The following DDX10 variants were observed in gnomAD, a reference collection of about 807,000 sequenced individuals.
The protein encoded by DDX10 is DEAD-box helicase 10, also known as probable ATP-dependent RNA helicase DDX10.
A neutral mutation model predicts 104.3 loss-of-function variants in DDX10; 74 were observed. The observed-to-expected ratio is 0.71, with a 90% CI of 0.59 to 0.86. DDX10 has a LOEUF of 0.86. Among genes scored for constraint, DDX10 ranks in the 40% least tolerant of loss-of-function variants. The pLI is 0.00. For synonymous variants in DDX10, 351 were observed against 353.4 expected, an observed-to-expected ratio of 0.99 and a Z score of 0.08; for missense variants, 952 against 1,040.0, an observed-to-expected ratio of 0.92 and a Z score of 1.16.
chr11:108,824,785 G>A (rs1231627163), intron 13 of DDX10, among the ~76,000 whole-genome samples: 1 of 152,128 alleles, frequency 6.6e-6, no homozygotes, highest in Non-Finnish European at 1.5e-5. Flanking sequence ...CACTATAGTG[G>A]CTTTGTTTTT....
At chr11:108,893,607 TA>T (rs149756501) in intron 16 of DDX10, among the ~76,000 whole-genome samples, 56 of 148,090 alleles carry the variant, frequency 3.8e-4, no homozygotes, top group East Asian at 1.2e-3. Flanking sequence ...AAAATTACCT[TA>T]AAAAAAAAAC....
intron 9 of DDX10, among the ~76,000 whole-genome samples, chr11:108,703,359 C>T (rs1591796079): frequency 2.4e-5 from 2 of 83,708 alleles, no homozygotes; most frequent in African/African-American, 1.0e-4. Flanking sequence ...GAGGTGGAGT[C>T]TCACTCTGTC....
chr11:108,740,652 T>C (rs74640213), intron 13 of DDX10, among the ~76,000 whole-genome samples: 2,080 of 148,164 alleles, frequency 0.014, 66 homozygotes, highest in Admixed American at 0.082. Context: ...GTGTCTGTTA[T>C]TTTTTTTTAC....
intron 13 of DDX10, among the ~76,000 whole-genome samples, chr11:108,835,463 T>C (rs1862541402): frequency 6.6e-6 from 1 of 152,170 alleles, no homozygotes; most frequent in African/African-American, 2.4e-5. Flanking sequence ...TATATAGTGA[T>C]TATATTACCG....
At chr11:108,867,640 A>G (rs1863024249) in intron 16 of DDX10, among the ~76,000 whole-genome samples, 2 of 152,212 alleles carry the variant, frequency 1.3e-5, no homozygotes, top group South Asian at 4.1e-4. Context: ...TTTTCATTTT[A>G]GTCATTCCTA....
chr11:108,915,039 T>A (rs1200447589), intron 16 of DDX10, among the ~76,000 whole-genome samples: 1 of 151,924 alleles, frequency 6.6e-6, no homozygotes, highest in Non-Finnish European at 1.5e-5. Context: ...TGTGAAGTAG[T>A]CCAGTATACA....
intron 16 of DDX10, among the ~76,000 whole-genome samples, chr11:108,860,001 CAT>C (rs570070955): frequency 1.2e-3 from 184 of 152,132 alleles, no homozygotes; most frequent in Non-Finnish European, 2.1e-3. Context: ...TTGAAAAAAA[CAT>C]GTAGATTCTT....
At chr11:108,764,207 A>G (rs1192262003) in intron 13 of DDX10, among the ~76,000 whole-genome samples, 1 of 152,224 alleles carries the variant, frequency 6.6e-6, no homozygotes, top group Non-Finnish European at 1.5e-5. Flanking sequence ...AACATTTCAT[A>G]AAAGGAATGT....
At chr11:108,695,842 C>G (rs1468667578) in intron 9 of DDX10, among the ~76,000 whole-genome samples, 1 of 150,528 alleles carries the variant, frequency 6.6e-6, no homozygotes, top group Admixed American at 6.6e-5. Flanking sequence ...AAAATGCACT[C>G]AAATTAAATG....
intron 16 of DDX10, among the ~76,000 whole-genome samples, chr11:108,882,956 T>C (rs996940520): frequency 3.9e-5 from 6 of 152,232 alleles, no homozygotes; most frequent in Non-Finnish European, 7.3e-5. Flanking sequence ...ATAATGTCTT[T>C]GTCCATTCGT....
At chr11:108,693,696 G>A in intron 9 of DDX10, 96 bp downstream of exon 9, 1 of 979,542 alleles carries the variant, frequency 1.0e-6, no homozygotes, top group Non-Finnish European at 1.6e-6. Context: ...AATCAGGTAA[G>A]TGAGTGCTGG....
intron 13 of DDX10, among the ~76,000 whole-genome samples, chr11:108,810,726 C>T (rs1862167988): frequency 6.6e-6 from 1 of 152,188 alleles, no homozygotes; most frequent in Non-Finnish European, 1.5e-5. Flanking sequence ...CACAAACACA[C>T]ACACAACTAG....
chr11:108,669,304 C>T (rs748510750), intron 1 of DDX10, among the ~76,000 whole-genome samples: 21 of 152,002 alleles, frequency 1.4e-4, no homozygotes, highest in Non-Finnish European at 2.6e-4. Flanking sequence ...ACTGTATTTC[C>T]CAGGCTGGTC....
chr11:108,749,353 T>C (rs1398928641), intron 13 of DDX10, among the ~76,000 whole-genome samples: 1 of 152,168 alleles, frequency 6.6e-6, no homozygotes, highest in Non-Finnish European at 1.5e-5. Flanking sequence ...TTGATGGAAA[T>C]GTTTTTCAAG....
Position 108,672,128 on chromosome 11 carries a change from G to A in DDX10, c.187-1339G>A, listed in dbSNP as rs188770466. ...TTTTCTGTTGTAATGCTTGATTGAAGAGTGTTGGAGCAGTTTCATTCTTCT... is the reference window on the plus strand; with the variant it reads ...TTTTCTGTTGTAATGCTTGATTGAAAAGTGTTGGAGCAGTTTCATTCTTCT... On this transcript the variant is annotated intron_variant, in intron 1 of 17. Coordinates refer to ENST00000322536, the MANE Select transcript of DDX10 (RefSeq NM_004398.4). Among the ~76,000 whole-genome samples, 490 of 149,702 alleles carry A rather than the reference G, an allele frequency of 3.3e-3. 15 individuals are homozygous for A. Among genetic ancestry groups the A allele is most frequent in the Admixed American group, 0.03 (455 of 15,014 alleles).
At chr11:108,716,236 C>T (rs1219605544) in intron 11 of DDX10, among the ~76,000 whole-genome samples, 1 of 152,056 alleles carries the variant, frequency 6.6e-6, no homozygotes, top group African/African-American at 2.4e-5. Context: ...GCTGGGACTA[C>T]AGGTGTGCGC....
chr11:108,837,607 C>CTTT (rs142381520), intron 13 of DDX10, among the ~76,000 whole-genome samples: 811 of 34,752 alleles, frequency 0.023, 295 homozygotes, highest in Non-Finnish European at 0.029. Context: ...TTGGATACAG[C>CTTT]TTTTTTTTTT....
At chr11:108,757,542 A>G (rs1023782594) in intron 13 of DDX10, among the ~76,000 whole-genome samples, 1 of 152,046 alleles carries the variant, frequency 6.6e-6, no homozygotes, top group African/African-American at 2.4e-5. Context: ...ATTTCCTGTA[A>G]AAGCACAGTT....
At chr11:108,810,914 A>G (rs915171869) in intron 13 of DDX10, among the ~76,000 whole-genome samples, 1 of 152,150 alleles carries the variant, frequency 6.6e-6, no homozygotes, top group Non-Finnish European at 1.5e-5. Context: ...TCCCCTAGAT[A>G]CACACCACAC....
Sources: gnomAD v4.1 joint callset for allele counts (sites outside exome capture counted in the v4.1 genomes callset) on GRCh38, gnomAD v4.1.1 for gene constraint, MANE v1.5 for transcripts, NCBI Gene and HGNC (gene_info 2026-07-23, HGNC 2026-07-21) for gene names.